ASTN2: variants seen among roughly 807,000 people sequenced by gnomAD.
ASTN2 encodes astrotactin-2.
A neutral mutation model predicts 139.8 loss-of-function variants in ASTN2; 54 were observed. The observed-to-expected ratio is 0.39, with a 90% CI of 0.31 to 0.48. The LOEUF (loss-of-function observed/expected upper bound fraction) is 0.48. Ranked by LOEUF, ASTN2 falls within the 20% of genes least tolerant of loss-of-function variation. The pLI is 0.95. For synonymous variants in ASTN2, 756 were observed against 719.5 expected (o/e 1.05, Z -0.81); for missense variants, 1,565 against 1,725.1 (o/e 0.91, Z 1.64).
chr9:117,335,746 A>G (rs967668988), intron 1 of ASTN2, among the ~76,000 whole-genome samples: 1 of 152,118 alleles, frequency 6.6e-6, no homozygotes, highest in African/African-American at 2.4e-5. Context: ...AAATTACCCC[A>G]TCTAATAACA....
At chr9:117,267,961 A>C (rs1424180890) in intron 2 of ASTN2, among the ~76,000 whole-genome samples, 1 of 152,212 alleles carries the variant, frequency 6.6e-6, no homozygotes, top group Non-Finnish European at 1.5e-5. Flanking sequence ...TCAGGTGTCT[A>C]TGTGGACATA....
chr9:116,990,806 T>C (rs1044478858), intron 7 of ASTN2, among the ~76,000 whole-genome samples: 5 of 152,210 alleles, frequency 3.3e-5, no homozygotes, highest in Non-Finnish European at 7.3e-5. Context: ...TCATTAAAAT[T>C]AAGCAACGTG....
At chr9:117,033,775 G>A (rs369174378) in intron 6 of ASTN2, among the ~76,000 whole-genome samples, 5 of 152,142 alleles carry the variant, frequency 3.3e-5, no homozygotes, top group South Asian at 4.1e-4. Context: ...TGTTAATCTC[G>A]TAAAACCACC....
chr9:117,364,950 A>AACACAC lies in ASTN2; in HGVS notation c.442+49541_442+49546dup, dbSNP rs71379275. Among the ~76,000 whole-genome samples the AACACAC allele has an allele frequency of 3.8e-3, 465 of 121,536 alleles. 2 individuals are homozygous for AACACAC. The highest frequency in any genetic ancestry group is 8.6e-3 in the Admixed American group (98 of 11,432). The allele number at this position is 121,536 out of a possible 152,430, so 79.7% of individuals were successfully genotyped here. A position where few individuals can be genotyped will look rare whatever the true frequency, so the allele number is the denominator to read the frequency against. ...CAACATAGTGAGACTCCATCTCTAC[A>AACACAC]ACACACACACACACACACACACACA... On this transcript the variant is annotated intron_variant, in intron 1 of 22. Coordinates refer to ENST00000313400, the MANE Select transcript of ASTN2 (RefSeq NM_001365068.1).
At chr9:116,718,527 T>A (rs1828377140) in intron 16 of ASTN2, among the ~76,000 whole-genome samples, 1 of 152,178 alleles carries the variant, frequency 6.6e-6, no homozygotes, top group African/African-American at 2.4e-5. Flanking sequence ...AACTATTTGG[T>A]CAAATAGTAT....
chr9:116,715,755 C>A (rs1828294417), intron 16 of ASTN2, among the ~76,000 whole-genome samples: 1 of 152,166 alleles, frequency 6.6e-6, no homozygotes, highest in Admixed American at 6.5e-5. Flanking sequence ...CTTGCCTTAG[C>A]CTCCTTAGCA....
chr9:116,581,092 G>C (rs952244240), intron 19 of ASTN2, among the ~76,000 whole-genome samples: 1 of 152,178 alleles, frequency 6.6e-6, no homozygotes, highest in Non-Finnish European at 1.5e-5. Context: ...CTCAGAGTGA[G>C]TTTCAAGTTC....
At chr9:117,107,633 C>T (rs1302071017) in intron 4 of ASTN2, among the ~76,000 whole-genome samples, 1 of 152,074 alleles carries the variant, frequency 6.6e-6, no homozygotes, top group Admixed American at 6.6e-5. Context: ...GTGATCTGAC[C>T]CGCATAGAGC....
chr9:116,894,661 C>T (rs969860723), intron 10 of ASTN2, among the ~76,000 whole-genome samples: 4 of 152,076 alleles, frequency 2.6e-5, no homozygotes, highest in Non-Finnish European at 5.9e-5. Context: ...GGGCTGGCCT[C>T]CTGGGATCCT....
chr9:116,456,417 T>C (rs572112925), intron 20 of ASTN2, among the ~76,000 whole-genome samples: 8 of 152,106 alleles, frequency 5.3e-5, no homozygotes, highest in Non-Finnish European at 1.0e-4. Flanking sequence ...AAAATCCATA[T>C]TACCCAAAGC....
intron 5 of ASTN2, among the ~76,000 whole-genome samples, chr9:117,090,941 C>G (rs13293579): frequency 3.9e-5 from 6 of 152,208 alleles, no homozygotes; most frequent in African/African-American, 4.8e-5. Context: ...TGCCATGCAG[C>G]CTTCTGGCCT....
intron 16 of ASTN2, among the ~76,000 whole-genome samples, chr9:116,666,588 TTAAAA>T (rs1858875811): frequency 6.6e-6 from 1 of 152,208 alleles, no homozygotes; most frequent in Non-Finnish European, 1.5e-5. Flanking sequence ...TATCATACTT[TTAAAA>T]TATTTTGATA....
intron 3 of ASTN2, among the ~76,000 whole-genome samples, chr9:117,211,403 C>T (rs1285690645): frequency 6.6e-6 from 1 of 152,054 alleles, no homozygotes; most frequent in East Asian, 1.9e-4. Flanking sequence ...GGTAGATTTC[C>T]CTTTTGCTGT....
At chr9:117,278,218 G>A (rs1834240970) in intron 2 of ASTN2, among the ~76,000 whole-genome samples, 1 of 152,196 alleles carries the variant, frequency 6.6e-6, no homozygotes, top group Non-Finnish European at 1.5e-5. Context: ...TCCTATTGAG[G>A]AGAACGTTCC....
intron 17 of ASTN2, among the ~76,000 whole-genome samples, chr9:116,645,143 C>T (rs943158752): frequency 6.6e-6 from 1 of 152,094 alleles, no homozygotes; most frequent in Non-Finnish European, 1.5e-5. Flanking sequence ...GATTCAAATC[C>T]AACTCTGTCT....
chr9:116,839,883 T>TA (rs1554753098), intron 11 of ASTN2, among the ~76,000 whole-genome samples: 23,960 of 97,306 alleles, frequency 0.25, 2,399 homozygotes, highest in East Asian at 0.48. Context: ...TTATTATTAT[T>TA]TTTTTTTTTT....
intron 7 of ASTN2, among the ~76,000 whole-genome samples, chr9:117,002,065 T>C (rs894274963): frequency 1.3e-5 from 2 of 152,234 alleles, no homozygotes; most frequent in Non-Finnish European, 2.9e-5. Context: ...TGTTCCTATT[T>C]CAATTTTCTA....
chr9:116,556,075 G>A (rs963427687), intron 19 of ASTN2, among the ~76,000 whole-genome samples: 3 of 152,172 alleles, frequency 2.0e-5, no homozygotes, highest in African/African-American at 4.8e-5. Flanking sequence ...TGAGGATACA[G>A]TGGAGAACAG....
chr9:117,026,913 G>A lies in ASTN2; in HGVS notation c.1423+12906C>T, dbSNP rs1489331234. Among the ~76,000 whole-genome samples, 5 of 150,880 alleles carry A rather than the reference G, an allele frequency of 3.3e-5. 1 individual carries two copies. In the South Asian group the frequency reaches 6.3e-4, roughly 19 times the overall value. ...CCCCATTTCACAGATGCACAAACGA[G>A]GCTTAGAGAGGTTAAATAACTTAAG... On this transcript the variant is annotated intron_variant, in intron 6 of 22. Transcript: ENST00000313400.
Sources: allele counts gnomAD v4.1 joint callset (sites outside exome capture counted in the v4.1 genomes callset), GRCh38; gene constraint gnomAD v4.1.1; transcripts MANE v1.5; gene names NCBI Gene and HGNC (gene_info 2026-07-23, HGNC 2026-07-21).